Variants in FRMD4A observed in about 807,000 individuals in gnomAD.
FRMD4A encodes the protein FERM domain containing 4A.
A neutral mutation model predicts 129.1 loss-of-function variants in FRMD4A; 29 were observed. The ratio of observed to expected loss-of-function variants is 0.22; its 90% confidence interval spans 0.17 to 0.31. FRMD4A has a LOEUF of 0.31. Ranked by LOEUF, FRMD4A falls within the 10% of genes least tolerant of loss-of-function variation. The pLI is 1.00. For synonymous variants in FRMD4A, 634 were observed against 571.6 expected, an observed-to-expected ratio of 1.11 and a Z score of -1.56; for missense variants, 1,272 against 1,375.8, an observed-to-expected ratio of 0.92 and a Z score of 1.19.
intron 6 of FRMD4A, among the ~76,000 whole-genome samples, chr10:13,779,658 G>A (rs558647419): frequency 8.5e-5 from 13 of 152,168 alleles, no homozygotes; most frequent in South Asian, 6.2e-4. Context: ...AAACTCTTCC[G>A]CTTCTTGTTA....
intron 2 of FRMD4A, among the ~76,000 whole-genome samples, chr10:13,924,029 G>T (rs1355987753): frequency 1.3e-5 from 2 of 152,248 alleles, no homozygotes; most frequent in Non-Finnish European, 2.9e-5. Context: ...CGTGGCTAGG[G>T]GAGAGGCAGT....
At chr10:14,003,007 G>A (rs561447265) in intron 2 of FRMD4A, among the ~76,000 whole-genome samples, 1 of 152,078 alleles carries the variant, frequency 6.6e-6, no homozygotes, top group Non-Finnish European at 1.5e-5. Flanking sequence ...GAAAGGCCTT[G>A]TGATTTGTCC....
chr10:14,175,499 C>A (rs1841687858), intron 2 of FRMD4A, among the ~76,000 whole-genome samples: 1 of 150,188 alleles, frequency 6.7e-6, no homozygotes, highest in Non-Finnish European at 1.5e-5. Context: ...TGATCACCTC[C>A]TTCGTAGTCT....
chr10:14,042,638 C>G (rs1353675439), intron 2 of FRMD4A, among the ~76,000 whole-genome samples: 1 of 152,032 alleles, frequency 6.6e-6, no homozygotes, highest in Admixed American at 6.6e-5. Flanking sequence ...TGTGCTCTTT[C>G]CTGAGCACAG....
At chr10:14,190,817 G>A (rs1166053703) in intron 2 of FRMD4A, among the ~76,000 whole-genome samples, 1 of 152,222 alleles carries the variant, frequency 6.6e-6, no homozygotes, top group African/African-American at 2.4e-5. Context: ...TTCAGGGGGT[G>A]GATTTGGGGA....
At chr10:13,974,191 G>A (rs1040965251) in intron 2 of FRMD4A, among the ~76,000 whole-genome samples, 3 of 152,086 alleles carry the variant, frequency 2.0e-5, no homozygotes, top group African/African-American at 7.2e-5. Flanking sequence ...TTAAAAAAGT[G>A]AAATGTATAT....
chr10:14,192,815 T>C (rs1359081269), intron 2 of FRMD4A, among the ~76,000 whole-genome samples: 5 of 152,260 alleles, frequency 3.3e-5, no homozygotes, highest in Non-Finnish European at 5.9e-5. Context: ...TTTTTAAGCA[T>C]TTTTGCATCA....
At chr10:14,052,654 G>C (rs11818856) in intron 2 of FRMD4A, among the ~76,000 whole-genome samples, 72,371 of 151,800 alleles carry the variant, frequency 0.48, 17,893 homozygotes, top group Middle Eastern at 0.58. Context: ...CGCCTCCCAG[G>C]TTCAAGTGAT....
At chr10:13,981,073 T>C (rs934623905) in intron 2 of FRMD4A, among the ~76,000 whole-genome samples, 3 of 152,216 alleles carry the variant, frequency 2.0e-5, no homozygotes, top group Non-Finnish European at 2.9e-5. Flanking sequence ...CTCTTGTAGA[T>C]AAAAATATAT....
intron 6 of FRMD4A, among the ~76,000 whole-genome samples, chr10:13,769,059 C>T (rs547052734): frequency 2.1e-5 from 3 of 139,996 alleles, no homozygotes; most frequent in Admixed American, 7.9e-5. Context: ...GGCGCGATTT[C>T]GGCTCACTGC....
intron 2 of FRMD4A, among the ~76,000 whole-genome samples, chr10:14,258,073 CTT>C (rs1441926218): frequency 6.6e-6 from 1 of 151,888 alleles, no homozygotes; most frequent in African/African-American, 2.4e-5. Flanking sequence ...TTCTGGAACA[CTT>C]TTAGAATACA....
chr10:14,005,925 GCGT>G (rs935319449), intron 2 of FRMD4A, among the ~76,000 whole-genome samples: 4 of 152,162 alleles, frequency 2.6e-5, no homozygotes, highest in Admixed American at 6.5e-5. Context: ...AAGGTCTTCC[GCGT>G]CATTAGATGC....
At chr10:14,238,267 T>G (rs1468138019) in intron 2 of FRMD4A, among the ~76,000 whole-genome samples, 1 of 152,232 alleles carries the variant, frequency 6.6e-6, no homozygotes, top group Non-Finnish European at 1.5e-5. Flanking sequence ...CTAGGAGAAG[T>G]AGAGACTTAT....
intron 15 of FRMD4A, among the ~76,000 whole-genome samples, chr10:13,691,188 A>G (rs2085654571): frequency 6.6e-6 from 1 of 152,202 alleles, no homozygotes; most frequent in Non-Finnish European, 1.5e-5. Context: ...GGCTTTCACC[A>G]CGTTAGCCAG....
chr10:14,275,180 C>T (rs942833813), intron 2 of FRMD4A, among the ~76,000 whole-genome samples: 4 of 152,286 alleles, frequency 2.6e-5, no homozygotes, highest in Non-Finnish European at 5.9e-5. Context: ...TCATGGAGAC[C>T]ATACAGGAAG....
intron 6 of FRMD4A, among the ~76,000 whole-genome samples, chr10:13,769,679 A>C (rs2092398164): frequency 6.6e-6 from 1 of 152,178 alleles, no homozygotes; most frequent in Non-Finnish European, 1.5e-5. Flanking sequence ...TCAGCATTTG[A>C]ATCAGTGGAC....
intron 23 of FRMD4A, chr10:13,653,702 C>G (rs1196102023): frequency 6.6e-6 from 1 of 152,304 alleles, no homozygotes; most frequent in African/African-American, 2.4e-5. Flanking sequence ...AACCTAACAT[C>G]TACTTAGAGA....
chr10:13,782,561 A>T (rs1229674951), intron 6 of FRMD4A, among the ~76,000 whole-genome samples: 3 of 151,122 alleles, frequency 2.0e-5, no homozygotes, highest in Admixed American at 1.3e-4. Context: ...CTCCTGCCTC[A>T]CCCTCCCAAG....
At chr10:13,701,537 A>C in intron 13 of FRMD4A, 59 bp from the exon 14 acceptor site, 1 of 1,537,884 alleles carries the variant, frequency 6.5e-7, no homozygotes, top group East Asian at 2.3e-5. Context: ...ACCATTTCTC[A>C]GTCAACAGCT....
Sources: allele counts gnomAD v4.1 joint callset (sites outside exome capture counted in the v4.1 genomes callset), GRCh38; gene constraint gnomAD v4.1.1; transcripts MANE v1.5; gene names NCBI Gene and HGNC (gene_info 2026-07-23, HGNC 2026-07-21).